THRAP3: variants seen among roughly 807,000 people sequenced by gnomAD.
THRAP3 encodes thyroid hormone receptor associated protein 3, also known as thyroid hormone receptor-associated protein 3.
Under a neutral mutation model 101.0 loss-of-function variants are expected in THRAP3, and 16 were observed. That is an observed-to-expected ratio of 0.16 (90% CI 0.11 to 0.24). The LOEUF (loss-of-function observed/expected upper bound fraction) is 0.24. Among genes scored for constraint, THRAP3 ranks in the 10% least tolerant of loss-of-function variants. The probability of loss-of-function intolerance (pLI) is 1.00; values close to 1 mark genes in which losing one functional copy is unlikely to be tolerated. For synonymous variants in THRAP3, 407 were observed against 422.6 expected (o/e 0.96, Z 0.45); for missense variants, 989 against 1,202.7 (o/e 0.82, Z 2.63).
chr1:36,237,354 G>A (rs1483499486), intron 1 of THRAP3, among the ~76,000 whole-genome samples: 1 of 151,390 alleles, frequency 6.6e-6, no homozygotes, highest in Non-Finnish European at 1.5e-5. Flanking sequence ...TGTAATCGCA[G>A]CTACTTGGAA....
chr1:36,294,579 T>C (rs1004221531), intron 8 of THRAP3, among the ~76,000 whole-genome samples: 2 of 152,364 alleles, frequency 1.3e-5, no homozygotes, highest in South Asian at 2.1e-4. Flanking sequence ...CATTCACATA[T>C]ACAGTTGAAA....
chr1:36,260,927 G>T (rs955876173), intron 2 of THRAP3, among the ~76,000 whole-genome samples: 2 of 151,810 alleles, frequency 1.3e-5, no homozygotes, highest in East Asian at 3.8e-4. Flanking sequence ...TCACAGCCCA[G>T]TCATTTTACA....
intron 1 of THRAP3, among the ~76,000 whole-genome samples, chr1:36,243,658 T>A (rs1186635213): frequency 6.6e-6 from 1 of 152,174 alleles, no homozygotes; most frequent in Non-Finnish European, 1.5e-5. Flanking sequence ...TTCGCCCCCT[T>A]CTATTCCACA....
chr1:36,284,146 G>A (rs1439041719), intron 3 of THRAP3, among the ~76,000 whole-genome samples: 1 of 152,228 alleles, frequency 6.6e-6, no homozygotes. Context: ...CCAAAACTGA[G>A]AGACAAAATT....
intron 4 of THRAP3, 51 bp from the exon 5 acceptor site, chr1:36,289,009 G>T: frequency 6.7e-7 from 1 of 1,493,416 alleles, no homozygotes; most frequent in South Asian, 1.5e-5. Flanking sequence ...CTATTTTAGA[G>T]CATGCTGTTA....
At chr1:36,273,689 A>G (rs1645618653) in intron 2 of THRAP3, among the ~76,000 whole-genome samples, 1 of 152,186 alleles carries the variant, frequency 6.6e-6, no homozygotes, top group African/African-American at 2.4e-5. Flanking sequence ...TAAGGATTCT[A>G]CTAAAAACCA....
upstream of THRAP3, among the ~76,000 whole-genome samples, chr1:36,220,980 T>A (rs1330434987): frequency 9.1e-3 from 1,103 of 121,434 alleles, 28 homozygotes; most frequent in African/African-American, 0.037. Context: ...AAAATATATA[T>A]ATATATATAT....
intron 3 of THRAP3, among the ~76,000 whole-genome samples, chr1:36,283,135 T>TA (rs1645754850): frequency 6.6e-6 from 1 of 152,232 alleles, no homozygotes; most frequent in African/African-American, 2.4e-5. Flanking sequence ...AAAATAAACT[T>TA]ACAGAAACTT....
Position 36,286,484 on chromosome 1 carries a change from A to G in THRAP3, c.254A>G (p.Tyr85Cys), listed in dbSNP as rs1398287601. The G allele has an allele frequency of 1.2e-6, 2 of 1,614,078 alleles. No homozygotes were observed. The highest frequency in any genetic ancestry group is 1.3e-5 in the African/African-American group (1 of 74,912). ...GHNRGYRRPY[Y>C]FRGRNRGFYP... Reference sequence around the variant, plus strand: ...AACAGAGGCTATAGAAGGCCCTATTATTTCCGTGGGCGTAACAGAGGCTTT... The same window carrying G: ...AACAGAGGCTATAGAAGGCCCTATTGTTTCCGTGGGCGTAACAGAGGCTTT... Residue 85 changes from tyrosine (Y) to cysteine (C), a missense_variant, in exon 4 of 12, where the codon TAT becomes TGT. Transcript: ENST00000354618. This position sits in a 1 kb window ranked among gnomAD's most constrained non-coding sequence, Gnocchi z 5.5.
chr1:36,223,154 A>T (rs75506357), upstream of THRAP3, among the ~76,000 whole-genome samples: 1,573 of 152,168 alleles, frequency 0.01, 19 homozygotes, highest in African/African-American at 0.034. Flanking sequence ...ATAAAAATAA[A>T]ATCAATTAAA....
chr1:36,287,314 T>G (rs1434910595), intron 4 of THRAP3, 44 bp downstream of exon 4: 1 of 1,525,444 alleles, frequency 6.6e-7, no homozygotes, highest in Admixed American at 2.1e-5. Flanking sequence ...TTTATCTCAC[T>G]AGCTGGCAGT....
At chr1:36,298,856 C>T (rs965292393) in intron 9 of THRAP3, among the ~76,000 whole-genome samples, 1 of 152,110 alleles carries the variant, frequency 6.6e-6, no homozygotes, top group African/African-American at 2.4e-5. Context: ...CGCAGTGATG[C>T]AATCACTGGC....
upstream of THRAP3, among the ~76,000 whole-genome samples, chr1:36,222,685 C>A (rs1465280516): frequency 5.9e-5 from 9 of 151,752 alleles, no homozygotes; most frequent in East Asian, 1.2e-3. Flanking sequence ...TTGGGATTAC[C>A]GGCGTGAGCC....
intron 1 of THRAP3, among the ~76,000 whole-genome samples, chr1:36,245,815 T>C (rs1645223992): frequency 6.6e-6 from 1 of 152,216 alleles, no homozygotes; most frequent in Non-Finnish European, 1.5e-5. Context: ...CTTTTCCAGC[T>C]AGGACTTTTT....
At chr1:36,220,965 A>AT, upstream of THRAP3, among the ~76,000 whole-genome samples, 2 of 136,330 alleles carry the variant, frequency 1.5e-5, no homozygotes, top group African/African-American at 5.8e-5. Flanking sequence ...AAAAAAAAAA[A>AT]AAAAAAAATA....
At chr1:36,279,330 CATAG>C (rs761936754) in intron 2 of THRAP3, among the ~76,000 whole-genome samples, 2 of 152,112 alleles carry the variant, frequency 1.3e-5, no homozygotes, top group Non-Finnish European at 2.9e-5. Context: ...ACTAGGCAGA[CATAG>C]ATAGATATCC....
At chr1:36,260,283 A>G (rs1303716499) in intron 2 of THRAP3, among the ~76,000 whole-genome samples, 1 of 152,008 alleles carries the variant, frequency 6.6e-6, no homozygotes, top group African/African-American at 2.4e-5. Context: ...ATTTGCAAAA[A>G]CACTATAGTA....
At position 36,301,166 on chromosome 1, in the gene THRAP3, G is replaced by C. The variant is rs192791111; in HGVS notation, c.2502+82G>C. On this transcript the variant is annotated intron_variant, in intron 10 of 11. Transcript: ENST00000354618. ...CACGTTTCATCAGAATACCAGTTTT[G>C]TTGCCTTTGACATAAGTAATCCAAT... 1.3e-5 allele frequency: 18 copies of C among 1,405,420 alleles called. No individual in the cohort carries two copies. The African/African-American group carries it at 2.4e-4, about 19-fold the overall frequency. 87.1% of individuals were successfully genotyped at this position (1,405,420 alleles called of 1,614,324 possible).
intron 1 of THRAP3, among the ~76,000 whole-genome samples, chr1:36,231,838 C>T (rs1211842504): frequency 6.6e-6 from 1 of 152,144 alleles, no homozygotes; most frequent in Non-Finnish European, 1.5e-5. Flanking sequence ...GCTTGAAAGA[C>T]TATCGGCTAT....
Sources: gnomAD v4.1 joint callset for allele counts (sites outside exome capture counted in the v4.1 genomes callset) on GRCh38, gnomAD v4.1.1 for gene constraint, Gnocchi (gnomAD v3.1) non-coding constraint, MANE v1.5 for transcripts, NCBI Gene and HGNC (gene_info 2026-07-23, HGNC 2026-07-21) for gene names.